Variants in ENOX2 observed in about 807,000 individuals in gnomAD.
ENOX2 encodes the protein APK1 antigen.
ENOX2 carries 36 observed loss-of-function variants against 45.0 expected under a neutral mutation model. The ratio of observed to expected loss-of-function variants is 0.80; its 90% CI spans 0.61 to 1.06. The LOEUF is 1.06. ENOX2 is among the 50% of genes least tolerant of loss of function. ENOX2 has a pLI of 0.00. For synonymous variants in ENOX2, 174 were observed against 152.3 expected, an observed-to-expected ratio of 1.14 and a Z score of -1.05; for missense variants, 423 against 462.5, an observed-to-expected ratio of 0.91 and a Z score of 0.78.
intron 2 of ENOX2, among the ~76,000 whole-genome samples, chrX:130,880,189 A>T (rs1277470013): frequency 8.9e-6 from 1 of 111,908 alleles, no homozygotes; most frequent in Admixed American, 9.5e-5. Context: ...TGGAAAGAGA[A>T]AGAAGGGAAT....
At chrX:130,673,443 A>G (rs2037043652) in intron 6 of ENOX2, among the ~76,000 whole-genome samples, 1 of 109,976 alleles carries the variant, frequency 9.1e-6, no homozygotes, top group Admixed American at 9.7e-5. Context: ...AACGAGAAAA[A>G]CAATGCAGGA....
intron 2 of ENOX2, among the ~76,000 whole-genome samples, chrX:130,839,889 C>T (rs930012863): frequency 9.0e-6 from 1 of 111,624 alleles, no homozygotes; most frequent in African/African-American, 3.3e-5. Context: ...ATGTAGTCAT[C>T]AAAACTACTG....
intron 3 of ENOX2, among the ~76,000 whole-genome samples, chrX:130,734,813 T>C (rs2038822433): frequency 8.9e-6 from 1 of 112,178 alleles, no homozygotes; most frequent in Admixed American, 9.4e-5. Context: ...CTTGCTGCTC[T>C]CTTCTCTTCT....
intron 3 of ENOX2, among the ~76,000 whole-genome samples, chrX:130,758,210 A>G (rs912008356): frequency 1.8e-5 from 2 of 112,153 alleles, no homozygotes; most frequent in Non-Finnish European, 3.8e-5. Context: ...AAGACACAGA[A>G]CATTTCCATC....
intron 9 of ENOX2, among the ~76,000 whole-genome samples, chrX:130,661,123 T>C (rs986288272): frequency 5.4e-5 from 6 of 111,765 alleles, no homozygotes; most frequent in African/African-American, 9.8e-5. Flanking sequence ...TGTTTTATGA[T>C]AGGAACATGA....
chrX:130,750,144 T>C (rs1252405451), intron 3 of ENOX2, among the ~76,000 whole-genome samples: 1 of 111,668 alleles, frequency 9.0e-6, no homozygotes, highest in Non-Finnish European at 1.9e-5. Flanking sequence ...ATTGTTTAAA[T>C]ATCCCTGTTT....
intron 2 of ENOX2, among the ~76,000 whole-genome samples, chrX:130,840,631 G>A (rs935410215): frequency 5.4e-5 from 6 of 110,978 alleles, no homozygotes; most frequent in Non-Finnish European, 9.4e-5. Context: ...CTTTGAGAGG[G>A]CAAGGCATGT....
intron 3 of ENOX2, chrX:130,709,143 G>T: frequency 1.4e-6 from 1 of 709,799 alleles, no homozygotes; most frequent in Non-Finnish European, 2.2e-6. Flanking sequence ...ATTTACTTCT[G>T]CACCCTTTAC....
At chrX:130,855,161 T>A (rs961646569) in intron 2 of ENOX2, among the ~76,000 whole-genome samples, 9 of 111,660 alleles carry the variant, frequency 8.1e-5, no homozygotes, top group African/African-American at 2.9e-4. Flanking sequence ...GTAAAAAATC[T>A]CCTAGAACTA....
intron 2 of ENOX2, among the ~76,000 whole-genome samples, chrX:130,890,301 T>C (rs12387794): frequency 0.044 from 4,920 of 111,023 alleles, 135 homozygotes; most frequent in African/African-American, 0.1. Context: ...CAAACACGCA[T>C]ACCAAAAACC....
chrX:130,670,194 G>A lies in ENOX2; in HGVS notation c.465C>T (p.Tyr155=). ...MVDKALYLSG[Y]RIRLGSSTDK... Reference sequence around the variant, plus strand: ...CAGTACTAGAGCCCAGGCGAATGCGGTAACCTAAGTCCACAGGAGGGTGAA... The same window carrying A: ...CAGTACTAGAGCCCAGGCGAATGCGATAACCTAAGTCCACAGGAGGGTGAA... The change falls in exon 7 of 15, where the codon TAC becomes TAT. Residue 155 remains tyrosine (Y), a synonymous_variant. Coordinates refer to ENST00000394363, the MANE Select transcript of ENOX2 (RefSeq NM_006375.4). The A allele has an allele frequency of 1.5e-5, 18 of 1,194,361 alleles. No homozygotes were observed. The highest frequency in any genetic ancestry group is 2.0e-5 in the Non-Finnish European group (18 of 880,537).
At chrX:130,726,190 C>G (rs370918423) in intron 3 of ENOX2, among the ~76,000 whole-genome samples, 1 of 112,029 alleles carries the variant, frequency 8.9e-6, no homozygotes, top group South Asian at 3.7e-4. Context: ...TCTTTATTTG[C>G]GAGTTCCAAG....
At position 130,791,595 on chromosome X, in the gene ENOX2, G is replaced by A. The variant is rs756102224; in HGVS notation, c.-182-7905C>T. Among the ~76,000 whole-genome samples the A allele has an allele frequency of 8.1e-5, 9 of 111,799 alleles. No homozygotes were observed. In the East Asian group the frequency reaches 2.0e-3, roughly 24 times the overall value. On this transcript the variant is annotated intron_variant, in intron 2 of 14. Transcript: ENST00000394363. ...ACTTATGATATTTTCAATTTTCAAC[G>A]CGCTTATCAGATTGTAACTACATCA...
chrX:130,642,611 A>C (rs1341648955), intron 10 of ENOX2, among the ~76,000 whole-genome samples: 1 of 112,184 alleles, frequency 8.9e-6, no homozygotes, highest in Non-Finnish European at 1.9e-5. Flanking sequence ...AAGAAGAGTC[A>C]ATTGATATAG....
At chrX:130,812,872 G>A (rs2077414607) in intron 2 of ENOX2, among the ~76,000 whole-genome samples, 2 of 111,406 alleles carry the variant, frequency 1.8e-5, no homozygotes, top group Admixed American at 9.5e-5. Context: ...AACAAAGTTA[G>A]GGGCAGCACA....
At chrX:130,766,577 C>T (rs191620400) in intron 3 of ENOX2, among the ~76,000 whole-genome samples, 28 of 111,319 alleles carry the variant, frequency 2.5e-4, no homozygotes, top group South Asian at 3.8e-4. Context: ...TTTTGGAATT[C>T]TGTTTTGAAA....
intron 2 of ENOX2, among the ~76,000 whole-genome samples, chrX:130,798,793 C>T (rs1569503302): frequency 9.0e-6 from 1 of 111,697 alleles, no homozygotes; most frequent in Non-Finnish European, 1.9e-5. Context: ...CACCCCTGTC[C>T]TCAAGTAATC....
chrX:130,737,678 A>T (rs1409816904), intron 3 of ENOX2, among the ~76,000 whole-genome samples: 1 of 112,079 alleles, frequency 8.9e-6, no homozygotes, highest in East Asian at 2.8e-4. Flanking sequence ...AGATGTCCCA[A>T]ATTTCTAACC....
chrX:130,892,807 CTAGT>C (rs1298967757), intron 2 of ENOX2, among the ~76,000 whole-genome samples: 1 of 112,322 alleles, frequency 8.9e-6, no homozygotes. Context: ...GTTTGTTCAT[CTAGT>C]TAATGATATG....
Sources: gnomAD v4.1 joint callset for allele counts (sites outside exome capture counted in the v4.1 genomes callset) on GRCh38, gnomAD v4.1.1 for gene constraint, MANE v1.5 for transcripts, NCBI Gene and HGNC (gene_info 2026-07-23, HGNC 2026-07-21) for gene names.